Variants in ROBO2 observed in about 807,000 individuals in gnomAD.
ROBO2 encodes roundabout guidance receptor 2.
Under a neutral mutation model 160.8 loss-of-function variants are expected in ROBO2, and 53 were observed. That is an observed-to-expected ratio of 0.33 (90% confidence interval 0.26 to 0.41). The LOEUF is 0.41. ROBO2 is among the 10% of genes least tolerant of loss of function. The pLI is 1.00. For synonymous variants in ROBO2, 664 were observed against 611.7 expected, an observed-to-expected ratio of 1.09 and a Z score of -1.26; for missense variants, 1,577 against 1,722.4, an observed-to-expected ratio of 0.92 and a Z score of 1.49.
chr3:76,433,181 T>A (rs1235304977), intron 2 of ROBO2, among the ~76,000 whole-genome samples: 1 of 152,172 alleles, frequency 6.6e-6, no homozygotes, highest in African/African-American at 2.4e-5. Context: ...CTATACTTTG[T>A]AGGATAAGAT....
In ROBO2 at chr3:76,009,126, T is replaced by G. The variant is rs140479969; in HGVS notation, c.109+71524T>G. 2.9e-3 allele frequency among the ~76,000 whole-genome samples: 441 copies of G among 152,204 alleles called. 2 individuals carry two copies. The highest frequency in any genetic ancestry group is 8.8e-3 in the African/African-American group (367 of 41,554). ...TTTTCTCTTTTTTTGTTTTTGAGAC[T>G]GAGTCTTGCTCTGTCGCCCAGGCTG... On this transcript the variant is annotated intron_variant, in intron 2 of 26. Coordinates refer to the ROBO2 transcript ENST00000487694.
intron 2 of ROBO2, among the ~76,000 whole-genome samples, chr3:77,273,257 A>T (rs918461085): frequency 6.6e-6 from 1 of 152,192 alleles, no homozygotes; most frequent in African/African-American, 2.4e-5. Flanking sequence ...CAAAATGCAT[A>T]TATGCAGCAA....
intron 23 of ROBO2, among the ~76,000 whole-genome samples, chr3:77,626,332 G>A (rs1472143085): frequency 6.6e-6 from 1 of 151,960 alleles, no homozygotes. Flanking sequence ...TATTTAAAGT[G>A]ACCCATGCTA....
At chr3:76,277,139 T>C (rs1188092211) in intron 2 of ROBO2, among the ~76,000 whole-genome samples, 8 of 152,186 alleles carry the variant, frequency 5.3e-5, no homozygotes, top group Non-Finnish European at 2.9e-5. Context: ...CCAGTGGATG[T>C]ATAGCCTACC....
intron 1 of ROBO2, among the ~76,000 whole-genome samples, chr3:77,082,093 C>G (rs1271728991): frequency 2.6e-5 from 4 of 152,074 alleles, no homozygotes; most frequent in Non-Finnish European, 5.9e-5. Flanking sequence ...TAATAAGAGA[C>G]TGTTTTAAGC....
chr3:76,238,329 C>A (rs1308010942), intron 2 of ROBO2, among the ~76,000 whole-genome samples: 1 of 152,128 alleles, frequency 6.6e-6, no homozygotes, highest in African/African-American at 2.4e-5. Context: ...CAAGGGACTT[C>A]TTCACGTGGT....
intron 2 of ROBO2, among the ~76,000 whole-genome samples, chr3:76,047,041 T>C (rs1033855507): frequency 6.6e-6 from 1 of 152,186 alleles, no homozygotes; most frequent in Non-Finnish European, 1.5e-5. Flanking sequence ...TTAAATGCAT[T>C]TGGAACAGAA....
intron 2 of ROBO2, among the ~76,000 whole-genome samples, chr3:76,137,385 A>G (rs542336707): frequency 4.9e-4 from 74 of 152,148 alleles, no homozygotes; most frequent in African/African-American, 1.8e-3. Flanking sequence ...TCTATGCCTG[A>G]TGTTAACATT....
At chr3:76,566,236 G>A (rs1031131295) in intron 2 of ROBO2, among the ~76,000 whole-genome samples, 6 of 152,192 alleles carry the variant, frequency 3.9e-5, no homozygotes, top group African/African-American at 1.2e-4. Context: ...GAATAATCAT[G>A]TCTGCAAGGA....
chr3:77,159,765 A>G (rs1314604938), intron 2 of ROBO2, among the ~76,000 whole-genome samples: 1 of 152,150 alleles, frequency 6.6e-6, no homozygotes, highest in Non-Finnish European at 1.5e-5. Context: ...AAAAGTGTGT[A>G]AGTTAAATAA....
chr3:75,943,563 T>C (rs570324147), intron 2 of ROBO2, among the ~76,000 whole-genome samples: 229 of 152,308 alleles, frequency 1.5e-3, no homozygotes, highest in African/African-American at 4.9e-3. Flanking sequence ...TCATTGTCTA[T>C]GACACATTTT....
intron 15 of ROBO2, among the ~76,000 whole-genome samples, chr3:77,579,102 C>G (rs1199732001): frequency 6.6e-6 from 1 of 152,052 alleles, no homozygotes; most frequent in African/African-American, 2.4e-5. Context: ...CATATGTTTT[C>G]CTACATATGT....
At chr3:76,723,708 T>A (rs1344490838) in intron 2 of ROBO2, among the ~76,000 whole-genome samples, 2 of 152,248 alleles carry the variant, frequency 1.3e-5, no homozygotes, top group Non-Finnish European at 2.9e-5. Flanking sequence ...CTTTGGTGAC[T>A]GGTGGACACA....
intron 2 of ROBO2, among the ~76,000 whole-genome samples, chr3:76,248,064 A>G (rs2107540329): frequency 6.6e-6 from 1 of 152,100 alleles, no homozygotes; most frequent in Admixed American, 6.5e-5. Context: ...TAGTTCAACC[A>G]TTGTAGAAGT....
intron 2 of ROBO2, among the ~76,000 whole-genome samples, chr3:76,423,065 A>G (rs1054894049): frequency 1.3e-5 from 2 of 152,202 alleles, no homozygotes; most frequent in African/African-American, 4.8e-5. Flanking sequence ...CCACTGAAAC[A>G]GGAGGGACAG....
intron 2 of ROBO2, among the ~76,000 whole-genome samples, chr3:76,327,980 G>C (rs549973112): frequency 2.0e-5 from 3 of 152,110 alleles, no homozygotes; most frequent in East Asian, 3.9e-4. Context: ...GACAGGGAAA[G>C]GTTGCCCTAG....
chr3:76,381,505 G>A (rs1407253538), intron 2 of ROBO2, among the ~76,000 whole-genome samples: 5 of 151,672 alleles, frequency 3.3e-5, no homozygotes, highest in Non-Finnish European at 1.5e-5. Context: ...ACGTGCCACC[G>A]CGCCCGGCTT....
chr3:77,393,475 A>G (rs2074952187), intron 2 of ROBO2, among the ~76,000 whole-genome samples: 2 of 151,620 alleles, frequency 1.3e-5, no homozygotes, highest in African/African-American at 2.4e-5. Flanking sequence ...AAAGTTACCT[A>G]TGATAACAGT....
chr3:76,204,983 G>C (rs1259820024), intron 2 of ROBO2, among the ~76,000 whole-genome samples: 1 of 152,114 alleles, frequency 6.6e-6, no homozygotes, highest in Non-Finnish European at 1.5e-5. Flanking sequence ...GTATGAAAAA[G>C]AAATTTTAAA....
Sources: gnomAD v4.1 joint callset for allele counts (sites outside exome capture counted in the v4.1 genomes callset) on GRCh38, gnomAD v4.1.1 for gene constraint, MANE v1.5 for transcripts, NCBI Gene and HGNC (gene_info 2026-07-23, HGNC 2026-07-21) for gene names.